NLGN4Y: variants seen among roughly 807,000 people sequenced by gnomAD.
NLGN4Y encodes the protein neuroligin 4 Y-linked, also known as neuroligin-4, Y-linked.
NLGN4Y carries 4 observed loss-of-function variants against 8.4 expected under a neutral mutation model. That is an observed-to-expected ratio of 0.48 (90% CI 0.23 to 1.09). NLGN4Y has a LOEUF of 1.09. NLGN4Y is among the 50% of genes least tolerant of loss of function. NLGN4Y has a pLI of 0.19. For missense variants in NLGN4Y, 90 were observed against 192.3 expected (o/e 0.47, Z 3.15); for synonymous variants, 35 against 75.6 (o/e 0.46, Z 2.78).
intron 1 of NLGN4Y, among the ~76,000 whole-genome samples, chrY:14,557,368 C>T (rs890015816): frequency 1.8e-4 from 6 of 33,126 alleles, no homozygotes; most frequent in Non-Finnish European, 3.7e-4. Context: ...AAGGAGCCTT[C>T]AGAATGAAGA....
chrY:14,551,895 T>C, intron 1 of NLGN4Y, among the ~76,000 whole-genome samples: 1 of 32,949 alleles, frequency 3.0e-5, no homozygotes, highest in Non-Finnish European at 7.5e-5. Context: ...AGCAAACAAA[T>C]TGCAAAGCTA....
At chrY:14,771,027 G>A (rs2081106597) in intron 4 of NLGN4Y, among the ~76,000 whole-genome samples, 1 of 32,110 alleles carries the variant, frequency 3.1e-5, no homozygotes. Context: ...AAATGAATGA[G>A]CAAATCCCCC....
chrY:14,610,289 G>T, intron 1 of NLGN4Y, among the ~76,000 whole-genome samples: 3 of 32,176 alleles, frequency 9.3e-5, no homozygotes, highest in Non-Finnish European at 2.3e-4. Context: ...TCTTTTAATT[G>T]CAATGTTAGG....
At chrY:14,734,870 C>T in intron 4 of NLGN4Y, among the ~76,000 whole-genome samples, 1 of 33,648 alleles carries the variant, frequency 3.0e-5, no homozygotes, top group Non-Finnish European at 7.4e-5. Flanking sequence ...TTCTGGTTTG[C>T]AAAAAGCCAG....
At chrY:14,757,720 G>C (rs1031495636) in intron 4 of NLGN4Y, among the ~76,000 whole-genome samples, 1 of 33,610 alleles carries the variant, frequency 3.0e-5, no homozygotes, top group African/African-American at 1.2e-4. Flanking sequence ...GGGACTACAG[G>C]TGCACACCAT....
At chrY:14,728,232 CTT>C (rs2150557872) in intron 4 of NLGN4Y, among the ~76,000 whole-genome samples, 1 of 33,962 alleles carries the variant, frequency 2.9e-5, no homozygotes, top group East Asian at 7.7e-4. Context: ...AACTGGAACT[CTT>C]TCACATTGCT....
chrY:14,829,617 A>T, intron 5 of NLGN4Y, 113 bp from the exon 6 acceptor site: 1 of 257,130 alleles, frequency 3.9e-6, no homozygotes, highest in East Asian at 1.0e-4. Context: ...GCTGAATGCT[A>T]CTACATCCAG....
intron 2 of NLGN4Y, among the ~76,000 whole-genome samples, chrY:14,684,699 G>A (rs2080783395): frequency 1.2e-4 from 4 of 33,311 alleles, no homozygotes; most frequent in African/African-American, 4.7e-4. Flanking sequence ...ACAACATTAG[G>A]AATCAAATGT....
intron 2 of NLGN4Y, among the ~76,000 whole-genome samples, chrY:14,649,403 C>T (rs534213636): frequency 1.8e-4 from 6 of 33,306 alleles, no homozygotes; most frequent in African/African-American, 7.0e-4. Flanking sequence ...CAAAATCAAA[C>T]ATCAATAGAA....
chrY:14,654,511 CT>C (rs2080641843), intron 2 of NLGN4Y, among the ~76,000 whole-genome samples: 38 of 29,152 alleles, frequency 1.3e-3, no homozygotes, highest in South Asian at 3.8e-3. Flanking sequence ...TAAACTTTAA[CT>C]TTTTTTTTTT....
At chrY:14,719,293 C>CT (rs2080926072) in intron 2 of NLGN4Y, among the ~76,000 whole-genome samples, 166 bp from the exon 3 acceptor site, 2 of 32,881 alleles carry the variant, frequency 6.1e-5, no homozygotes, top group African/African-American at 2.4e-4. Context: ...TTGCATTTCC[C>CT]TATCTCATTT....
chrY:14,703,890 G>A, intron 2 of NLGN4Y, among the ~76,000 whole-genome samples: 1 of 32,807 alleles, frequency 3.0e-5, no homozygotes, highest in Non-Finnish European at 7.5e-5. Context: ...TCCCTTGTAA[G>A]TTGGATTCCT....
At chrY:14,573,156 G>T (rs2080280536) in intron 1 of NLGN4Y, among the ~76,000 whole-genome samples, 3 of 33,440 alleles carry the variant, frequency 9.0e-5, no homozygotes, top group Admixed American at 2.7e-4. Flanking sequence ...GATTGCATTA[G>T]TTTCAGAAGC....
At chrY:14,663,630 T>A in intron 2 of NLGN4Y, among the ~76,000 whole-genome samples, 2 of 32,271 alleles carry the variant, frequency 6.2e-5, no homozygotes. Flanking sequence ...ACTAACATGG[T>A]GAAACCTCGT....
At chrY:14,834,617 A>G (rs2043190980) in intron 6 of NLGN4Y, among the ~76,000 whole-genome samples, 1 of 34,271 alleles carries the variant, frequency 2.9e-5, no homozygotes. Flanking sequence ...TCAAATATAA[A>G]TGTTTTAAGT....
At chrY:14,654,071 TTGTC>T (rs2080640406) in intron 2 of NLGN4Y, among the ~76,000 whole-genome samples, 1 of 34,014 alleles carries the variant, frequency 2.9e-5, no homozygotes, top group Non-Finnish European at 7.3e-5. Context: ...TATCGTTCCT[TTGTC>T]TGGTATATTT....
intron 2 of NLGN4Y, among the ~76,000 whole-genome samples, chrY:14,657,164 C>A: frequency 3.1e-5 from 1 of 32,707 alleles, no homozygotes; most frequent in Non-Finnish European, 7.5e-5. Context: ...CTATAAATAT[C>A]TTAAACATCA....
At chrY:14,605,213 T>C in intron 1 of NLGN4Y, among the ~76,000 whole-genome samples, 17 of 32,538 alleles carry the variant, frequency 5.2e-4, no homozygotes, top group Admixed American at 4.9e-3. Context: ...TTCATGAGTA[T>C]CCAATGTTTA....
intron 1 of NLGN4Y, among the ~76,000 whole-genome samples, chrY:14,565,025 T>C: frequency 3.1e-5 from 1 of 32,165 alleles, no homozygotes; most frequent in Non-Finnish European, 7.5e-5. Flanking sequence ...GTCACCAACG[T>C]CAAAGACCAA....
Sources: allele counts gnomAD v4.1 joint callset (sites outside exome capture counted in the v4.1 genomes callset), GRCh38; gene constraint gnomAD v4.1.1; transcripts MANE v1.5; gene names NCBI Gene and HGNC (gene_info 2026-07-23, HGNC 2026-07-21).